Variants in KSR2 observed in about 807,000 individuals in gnomAD.
The protein encoded by KSR2 is kinase suppressor of ras 2.
KSR2 carries 25 observed loss-of-function variants against 107.8 expected under a neutral mutation model. That is an observed-to-expected ratio of 0.23 (90% CI 0.17 to 0.32). KSR2 has a LOEUF of 0.32. KSR2 is among the 10% of genes least tolerant of loss of function. The pLI, the probability that KSR2 is intolerant of heterozygous loss-of-function variation, is 1.00. For missense variants in KSR2, 887 were observed against 1,268.9 expected (o/e 0.70, Z 4.57); for synonymous variants, 480 against 507.0 (o/e 0.95, Z 0.71).
At chr12:117,634,776 T>C (rs11068593) in intron 5 of KSR2, among the ~76,000 whole-genome samples, 25,106 of 152,150 alleles carry the variant, frequency 0.17, 2,161 homozygotes, top group Middle Eastern at 0.24. Flanking sequence ...GTAGATGATA[T>C]TTTTCTTGGT....
chr12:117,480,977 G>A (rs1056772238), intron 16 of KSR2, among the ~76,000 whole-genome samples: 3 of 152,060 alleles, frequency 2.0e-5, no homozygotes, highest in Admixed American at 6.5e-5. Flanking sequence ...TAGGAGGATC[G>A]CTTGAGCCTC....
rs1871323115 is a variant in KSR2 at position 117,469,642 on chromosome 12, C to T, written c.2846+20G>A. The T allele has an allele frequency of 3.1e-6, 5 of 1,609,930 alleles. No individual in the cohort carries two copies. Among genetic ancestry groups the T allele is most frequent in the African/African-American group, 1.3e-5 (1 of 74,938 alleles). ...CAGAGGACAAGGCAGTGGGGAGAGA[C>T]ATTAAGGGAGAAAACCTACTCTGCA... On this transcript the variant is annotated intron_variant, in intron 19 of 19. Coordinates refer to ENST00000339824, the MANE Select transcript of KSR2 (RefSeq NM_173598.6).
At chr12:117,637,792 C>T (rs889391895) in intron 5 of KSR2, among the ~76,000 whole-genome samples, 9 of 145,954 alleles carry the variant, frequency 6.2e-5, no homozygotes, top group African/African-American at 2.5e-5. Flanking sequence ...AGCAATTCTC[C>T]TGCCTCAGTC....
chr12:117,703,363 G>A (rs1886400903), intron 4 of KSR2, among the ~76,000 whole-genome samples: 1 of 152,084 alleles, frequency 6.6e-6, no homozygotes, highest in Non-Finnish European at 1.5e-5. Context: ...AATTTAAGTT[G>A]ATACTCTCAG....
Position 117,857,137 on chromosome 12 carries a change from C to A in KSR2, c.322-1559G>T, listed in dbSNP as rs138069148. 4.2e-3 allele frequency among the ~76,000 whole-genome samples: 643 copies of A among 152,282 alleles called. 7 individuals carry two copies. The highest frequency in any genetic ancestry group is 0.015 in the African/African-American group (622 of 41,552). ...GCAGTGAGGCCATCATATCTCACTG[C>A]AGCCTCAAACTCCTGGGTTCAAGCG... On this transcript the variant is annotated intron_variant, in intron 2 of 19. Transcript: ENST00000339824.
intron 1 of KSR2, among the ~76,000 whole-genome samples, chr12:117,902,199 C>T (rs1894705496): frequency 6.6e-6 from 1 of 152,152 alleles, no homozygotes; most frequent in South Asian, 2.1e-4. Context: ...TGGCTCACAC[C>T]TGTAATCCCA....
chr12:117,471,621 C>A, intron 17 of KSR2, among the ~76,000 whole-genome samples: 1 of 151,476 alleles, frequency 6.6e-6, no homozygotes. Flanking sequence ...ATGAGGGATA[C>A]AAAAATTTAT....
Position 117,866,723 on chromosome 12 carries a change from G to A in KSR2, c.181-6292C>T, listed in dbSNP as rs554895036. Among the ~76,000 whole-genome samples the A allele has an allele frequency of 2.8e-4, 43 of 152,198 alleles. 1 individual carries two copies. In the South Asian group the frequency reaches 6.6e-3, roughly 24 times the overall value. ...GCATGCCTGTAATCTCAGCTACTCG[G>A]GAGGCTGAGGCACGAGAATCGCTTG... On this transcript the variant is annotated intron_variant, in intron 1 of 19. Transcript: ENST00000339824.
intron 5 of KSR2, among the ~76,000 whole-genome samples, chr12:117,649,691 T>G (rs1883803191): frequency 6.6e-6 from 1 of 152,134 alleles, no homozygotes; most frequent in African/African-American, 2.4e-5. Context: ...GGCTTTGCCC[T>G]GGGAGTGGGG....
At chr12:117,935,223 C>T (rs1222051579) in intron 1 of KSR2, among the ~76,000 whole-genome samples, 1 of 151,894 alleles carries the variant, frequency 6.6e-6, no homozygotes, top group Non-Finnish European at 1.5e-5. Context: ...GCAGCCTTGA[C>T]CTCCTGGCTC....
chr12:117,957,831 C>CT (rs566320050), intron 1 of KSR2, among the ~76,000 whole-genome samples: 14,510 of 136,838 alleles, frequency 0.11, 1,234 homozygotes, highest in East Asian at 0.29. Flanking sequence ...GGCTGACCAC[C>CT]TTTTTTTTTT....
chr12:117,780,944 T>C (rs1284864589), intron 3 of KSR2, among the ~76,000 whole-genome samples: 2 of 152,144 alleles, frequency 1.3e-5, no homozygotes, highest in Admixed American at 6.5e-5. Context: ...GGAAGAACAT[T>C]TGCACTGGGG....
chr12:117,563,585 C>T (rs905053542), intron 7 of KSR2, among the ~76,000 whole-genome samples: 1 of 152,138 alleles, frequency 6.6e-6, no homozygotes, highest in South Asian at 2.1e-4. Context: ...ACAGTAGAAT[C>T]TCAAGCAGCG....
In KSR2 at chr12:117,739,496, C is replaced by T. The variant is rs574492657; in HGVS notation, c.986+21515G>A. On this transcript the variant is annotated intron_variant, in intron 4 of 19. Coordinates refer to ENST00000339824, the MANE Select transcript of KSR2 (RefSeq NM_173598.6). ...GTTGAGATAAGCAGGTCATCCTTGC[C>T]CAAAACGTCATTATGCAGTGCATGA... 5.3e-5 allele frequency among the ~76,000 whole-genome samples: 8 copies of T among 152,248 alleles called. No individual in the cohort carries two copies. In the East Asian group the frequency reaches 1.2e-3, roughly 22 times the overall value.
chr12:117,830,385 C>A (rs986597159), intron 3 of KSR2, among the ~76,000 whole-genome samples: 1 of 152,010 alleles, frequency 6.6e-6, no homozygotes, highest in Non-Finnish European at 1.5e-5. Flanking sequence ...CTCTGAAAAA[C>A]AAACTATTAA....
intron 5 of KSR2, among the ~76,000 whole-genome samples, chr12:117,624,760 G>T (rs1882380386): frequency 6.6e-6 from 1 of 152,142 alleles, no homozygotes; most frequent in Non-Finnish European, 1.5e-5. Flanking sequence ...GAAAGTCATT[G>T]GTAGCTTGAT....
chr12:117,704,079 T>A (rs1343260500), intron 4 of KSR2, among the ~76,000 whole-genome samples: 25 of 152,090 alleles, frequency 1.6e-4, no homozygotes, highest in Admixed American at 1.6e-3. Flanking sequence ...CCTATAATCT[T>A]CAAGATTATC....
chr12:117,958,405 G>C (rs1896574014), intron 1 of KSR2, among the ~76,000 whole-genome samples: 2 of 152,268 alleles, frequency 1.3e-5, no homozygotes, highest in Non-Finnish European at 2.9e-5. Context: ...CATATCCTTT[G>C]ATCCAGCAGT....
intron 4 of KSR2, among the ~76,000 whole-genome samples, chr12:117,695,717 A>C (rs1437137100): frequency 6.9e-6 from 1 of 145,020 alleles, no homozygotes; most frequent in Non-Finnish European, 1.5e-5. Context: ...TCTCAAACAA[A>C]CAAAAAAAAA....
Sources: allele counts gnomAD v4.1 joint callset (sites outside exome capture counted in the v4.1 genomes callset), GRCh38; gene constraint gnomAD v4.1.1; transcripts MANE v1.5; gene names NCBI Gene and HGNC (gene_info 2026-07-23, HGNC 2026-07-21).